The following KANSL1 variants were observed in gnomAD, a reference collection of about 807,000 sequenced individuals.
KANSL1 encodes KAT8 regulatory NSL complex subunit 1.
Under a neutral mutation model 103.6 loss-of-function variants are expected in KANSL1, and 22 were observed. The observed-to-expected ratio is 0.21, with a 90% confidence interval of 0.15 to 0.30. The LOEUF is 0.30. KANSL1 is among the 10% of genes least tolerant of loss of function. The probability of loss-of-function intolerance (pLI) is 1.00; values close to 1 mark genes in which losing one functional copy is unlikely to be tolerated. For missense variants in KANSL1, 1,337 were observed against 1,399.8 expected (o/e 0.96, Z 0.72); for synonymous variants, 600 against 527.6 (o/e 1.14, Z -1.88).
At chr17:46,057,536 T>TC (rs1434877713) in intron 6 of KANSL1, among the ~76,000 whole-genome samples, 1 of 152,114 alleles carries the variant, frequency 6.6e-6, no homozygotes, top group Admixed American at 6.5e-5. Flanking sequence ...CAGGCAATGA[T>TC]CACCAGTGGT....
chr17:46,093,280 T>A (rs2079485222), intron 3 of KANSL1: 1 of 152,598 alleles, frequency 6.6e-6, no homozygotes, highest in Non-Finnish European at 1.5e-5. Context: ...CTTTAAAATT[T>A]CCTTTGTGAA....
At chr17:46,216,465 G>A (rs908872046) in intron 1 of KANSL1, among the ~76,000 whole-genome samples, 4 of 151,986 alleles carry the variant, frequency 2.6e-5, no homozygotes, top group Non-Finnish European at 4.4e-5. Context: ...CAGATGTGGT[G>A]GCGGGCACCT....
intron 1 of KANSL1, among the ~76,000 whole-genome samples, chr17:46,213,103 T>C (rs1410693910): frequency 2.0e-5 from 3 of 151,414 alleles, no homozygotes; most frequent in Non-Finnish European, 2.9e-5. Context: ...GACAGATAAA[T>C]TACCACCACC....
upstream of KANSL1, among the ~76,000 whole-genome samples, chr17:46,224,186 A>C (rs1031096568): frequency 3.9e-5 from 6 of 152,254 alleles, no homozygotes; most frequent in Admixed American, 2.6e-4. Context: ...AAACTTCTCT[A>C]ATCATCCCGA....
At chr17:46,130,140 T>A (rs1167626832) in intron 2 of KANSL1, among the ~76,000 whole-genome samples, 1 of 137,622 alleles carries the variant, frequency 7.3e-6, no homozygotes, top group Non-Finnish European at 1.5e-5. Context: ...TGAGCTGAGA[T>A]GGTGCCACTG....
intron 2 of KANSL1, among the ~76,000 whole-genome samples, chr17:46,115,006 C>T (rs887036139): frequency 1.3e-5 from 2 of 152,148 alleles, no homozygotes; most frequent in Non-Finnish European, 1.5e-5. Flanking sequence ...CTAAAGTCCA[C>T]GAATTTTTTT....
intron 2 of KANSL1, among the ~76,000 whole-genome samples, chr17:46,123,897 A>C (rs1313243333): frequency 1.3e-5 from 2 of 152,268 alleles, no homozygotes; most frequent in African/African-American, 4.8e-5. Flanking sequence ...TCAGCAATGT[A>C]GAAAAAACAG....
At chr17:46,184,935 G>A (rs2046950635) in intron 1 of KANSL1, among the ~76,000 whole-genome samples, 1 of 150,750 alleles carries the variant, frequency 6.6e-6, no homozygotes. Flanking sequence ...CACCTCCTGA[G>A]TTCAAGCGTT....
intron 4 of KANSL1, among the ~76,000 whole-genome samples, chr17:46,074,046 C>A (rs903894443): frequency 6.6e-6 from 1 of 152,034 alleles, no homozygotes; most frequent in Non-Finnish European, 1.5e-5. Flanking sequence ...CTTGCTTTGC[C>A]TTTTGAGACA....
chr17:46,182,419 T>A (rs539662437), intron 1 of KANSL1, among the ~76,000 whole-genome samples: 52 of 152,380 alleles, frequency 3.4e-4, no homozygotes, highest in African/African-American at 9.9e-4. Context: ...GTATTTATTT[T>A]ACATATGAAC....
intron 10 of KANSL1, 183 bp from the exon 11 acceptor site, chr17:46,034,468 A>G: frequency 1.8e-6 from 1 of 564,480 alleles, no homozygotes; most frequent in Non-Finnish European, 3.1e-6. Flanking sequence ...AACCTCACGG[A>G]GAAATACCAG....
chr17:46,113,393 C>A (rs1384872463), intron 2 of KANSL1, among the ~76,000 whole-genome samples: 2 of 152,174 alleles, frequency 1.3e-5, no homozygotes, highest in Non-Finnish European at 2.9e-5. Context: ...GAAGTTTAAG[C>A]CATGACCCAG....
Position 46,172,158 on chromosome 17 carries a change from C to G in KANSL1, c.-15G>C. 1 of 1,597,930 alleles carries G rather than the reference C, an allele frequency of 6.3e-7. No individual in the cohort carries two copies. Among genetic ancestry groups the G allele is most frequent in the Non-Finnish European group, 8.5e-7 (1 of 1,178,478 alleles). On this transcript the variant is annotated 5_prime_UTR_variant, in exon 2 of 15. Coordinates refer to ENST00000432791, the MANE Select transcript of KANSL1 (RefSeq NM_015443.4). ...ATCGCAGCCATTCAGCACAGAGAGA[C>G]AGGAAGTCCAGCCTCTCCCGATGCC...
At chr17:46,034,377 A>C in intron 10 of KANSL1, 92 bp from the exon 11 acceptor site, 1 of 1,440,978 alleles carries the variant, frequency 6.9e-7, no homozygotes, top group Non-Finnish European at 9.6e-7. Context: ...ACCAATAACC[A>C]AGCATCTGGG....
At chr17:46,136,181 AAAT>A (rs67220719) in intron 2 of KANSL1, among the ~76,000 whole-genome samples, 18,313 of 149,710 alleles carry the variant, frequency 0.12, 21 homozygotes, top group Middle Eastern at 0.19. Context: ...GTATTTGGGA[AAAT>A]AATAATCCAT....
At chr17:46,136,569 A>G (rs2044154617) in intron 2 of KANSL1, among the ~76,000 whole-genome samples, 1 of 152,242 alleles carries the variant, frequency 6.6e-6, no homozygotes, top group African/African-American at 2.4e-5. Context: ...CATTAGGTAG[A>G]CTGGATGCCC....
intron 2 of KANSL1, chr17:46,156,697 C>G (rs370649355): frequency 6.6e-6 from 1 of 152,368 alleles, no homozygotes; most frequent in South Asian, 2.1e-4. Flanking sequence ...CCAAGGAACT[C>G]GGCCCACAAT....
At chr17:46,124,247 A>C (rs1311142146) in intron 2 of KANSL1, among the ~76,000 whole-genome samples, 1 of 152,264 alleles carries the variant, frequency 6.6e-6, no homozygotes, top group Non-Finnish European at 1.5e-5. Flanking sequence ...AAATAAAATA[A>C]AAACAAATTA....
chr17:46,172,061 G>A lies in KANSL1; in HGVS notation c.83C>T (p.Thr28Ile), dbSNP rs796052592. The A allele has an allele frequency of 1.2e-6, 2 of 1,614,086 alleles. No homozygotes were observed. Among genetic ancestry groups the A allele is most frequent in the Non-Finnish European group, 1.7e-6 (2 of 1,180,060 alleles). The change falls in exon 2 of 15, where the codon ACC (threonine) becomes ATC (isoleucine). Residue 28 changes from threonine (T) to isoleucine (I), a missense_variant. By Grantham distance (89) the Thr-to-Ile change is moderately conservative. Coordinates refer to ENST00000432791, the MANE Select transcript of KANSL1 (RefSeq NM_015443.4). ...IRFKLAPPSS[T>I]LSPGSAENNG... ...ATTTTCGGCACTGCCAGGGGACAAG[G>A]TAGAGGATGGGGGAGCCAGTTTGAA...
Sources: gnomAD v4.1 joint callset for allele counts (sites outside exome capture counted in the v4.1 genomes callset) on GRCh38, gnomAD v4.1.1 for gene constraint, MANE v1.5 for transcripts, NCBI Gene and HGNC (gene_info 2026-07-23, HGNC 2026-07-21) for gene names.